The following PIF1 variants were observed in gnomAD, a reference collection of about 807,000 sequenced individuals.
PIF1 encodes ATP-dependent DNA helicase PIF1.
A neutral mutation model predicts 62.3 loss-of-function variants in PIF1; 67 were observed. The observed-to-expected ratio is 1.08, with a 90% CI of 0.88 to 1.32. The LOEUF (loss-of-function observed/expected upper bound fraction) is 1.32, where lower values mean the gene tolerates loss of function less well. Among genes scored for constraint, PIF1 ranks in the 40% most tolerant of loss-of-function variants. The pLI, the probability that PIF1 is intolerant of heterozygous loss-of-function variation, is 0.00. For missense variants in PIF1, 886 were observed against 866.1 expected, an observed-to-expected ratio of 1.02 and a Z score of -0.29; for synonymous variants, 364 against 379.5, an observed-to-expected ratio of 0.96 and a Z score of 0.47.
Position 64,819,174 on chromosome 15 carries a change from A to G in PIF1, c.1383T>C (p.Ser461=). The change falls in exon 9 of 13, where the codon AGT becomes AGC. Residue 461 remains serine, a synonymous_variant. Transcript: ENST00000559239. ...TAACAGGACACTGGGCATCCAGGGTACTGGCCAGCTCAGGGTTGCTGTCCA... is the reference window on the plus strand; with the variant it reads ...TAACAGGACACTGGGCATCCAGGGTGCTGGCCAGCTCAGGGTTGCTGTCCA... ...EAMDSNPELA[S]TLDAQCPVSQ... The G allele has an allele frequency of 1.2e-6, 2 of 1,602,948 alleles. No homozygotes were observed. Among genetic ancestry groups the G allele is most frequent in the Non-Finnish European group, 1.7e-6 (2 of 1,176,924 alleles).
At chr15:64,817,805 T>C in intron 11 of PIF1, 141 bp downstream of exon 11, 1 of 969,032 alleles carries the variant, frequency 1.0e-6, no homozygotes, top group East Asian at 2.8e-5. Context: ...GAGGTTGCAG[T>C]GAGCCAAGAT....
intron 1 of PIF1, among the ~76,000 whole-genome samples, chr15:64,825,362 A>G (rs2084354546): frequency 6.6e-6 from 1 of 152,070 alleles, no homozygotes; most frequent in Non-Finnish European, 1.5e-5. Flanking sequence ...TGCCCTTCAT[A>G]AGCCACAGCG....
chr15:64,819,795 C>T (rs1285916787), intron 8 of PIF1, 52 bp downstream of exon 8: 5 of 1,604,584 alleles, frequency 3.1e-6, no homozygotes, highest in Non-Finnish European at 4.2e-6. Flanking sequence ...GGGGCTACAT[C>T]TGCTTATAAC....
intron 1 of PIF1, 118 bp downstream of exon 1, chr15:64,825,451 G>A (rs957915659): frequency 6.6e-6 from 1 of 152,014 alleles, no homozygotes; most frequent in Non-Finnish European, 1.5e-5. Flanking sequence ...GAAAATATTC[G>A]GCTAGGGAAA....
Position 64,822,331 on chromosome 15 carries a change from A to G in PIF1, c.752T>C (p.Val251Ala). ...TGCCACCCCAGTGCTGGCAGTGGCC[A>G]CAGTGCCTGTGGGGGGCAGTGAGCC... ...ILGSLPPTGT[V>A]ATASTGVAAC... The change falls in exon 4 of 13, where the codon GTG becomes GCG. Residue 251 changes from valine (V) to alanine (A), a missense_variant. By Grantham distance (64) the Val-to-Ala change is moderately conservative (BLOSUM62 0). Transcript: ENST00000559239. 6.2e-7 allele frequency: 1 copy of G among 1,613,622 alleles called. No homozygotes were observed. The highest frequency in any genetic ancestry group is 8.5e-7 in the Non-Finnish European group (1 of 1,179,926).
Position 64,824,007 on chromosome 15 carries a change from G to T in PIF1, c.329C>A (p.Pro110Gln), listed in dbSNP as rs1002140057. The T allele has an allele frequency of 4.6e-6, 6 of 1,297,648 alleles. No individual in the cohort carries two copies. Among genetic ancestry groups the T allele is most frequent in the Non-Finnish European group, 5.9e-6 (6 of 1,023,432 alleles). 80.4% of individuals were successfully genotyped at this position (1,297,648 alleles called of 1,614,324 possible). The change falls in exon 2 of 13, where the codon CCA becomes CAA. Residue 110 changes from proline to glutamine, a missense_variant. By Grantham distance (76) the Pro-to-Gln change is moderately conservative (BLOSUM62 -1). Coordinates refer to ENST00000559239, the MANE Select transcript of PIF1 (RefSeq NM_001286496.2). ...GCGCAGGAAGCGGCGCAGGCGGTCT[G>T]GGGGGCAGTCCGAGAGCAGCAGCTG... is the stretch of plus-strand genomic sequence containing the variant. ...AVQLLLSDCP[P>Q]DRLRRFLRTL...
In PIF1 at chr15:64,825,574, G is replaced by A. The variant is rs554434298; in HGVS notation, c.-25C>T. 3 of 152,236 alleles carry A rather than the reference G, an allele frequency of 2.0e-5. No homozygotes were observed. The highest frequency in any genetic ancestry group is 4.4e-5 in the Non-Finnish European group (3 of 68,026). 9.4% of individuals were successfully genotyped at this position (152,236 alleles called of 1,614,324 possible). On this transcript the variant is annotated 5_prime_UTR_variant, in exon 1 of 13. Coordinates refer to ENST00000559239, the MANE Select transcript of PIF1 (RefSeq NM_001286496.2). ...TCAGGCTCTTTGCTCCCCACCTCTG[G>A]GTTCGGGCAGACACTCACTTGTGCC...
rs762889080 is a variant in PIF1 at position 64,821,510 on chromosome 15, T to C, written c.828A>G (p.Ser276=). ...TTLHAFAGIG[S]GQAPLAQCVA... is the part of the protein sequence containing the mutation. ...CACACTGGGCTAGAGGAGCCTGGCC[T>C]GAGCCGATGCCTGTGAGTGACACTA... The change falls in exon 5 of 13, where the codon TCA becomes TCG. Residue 276 remains serine, a synonymous_variant. Transcript: ENST00000559239. The C allele has an allele frequency of 4.4e-6, 7 of 1,603,114 alleles. No individual in the cohort carries two copies. The highest frequency in any genetic ancestry group is 5.1e-6 in the Non-Finnish European group (6 of 1,174,888).
At chr15:64,820,473 T>C (rs2084269582) in intron 7 of PIF1, among the ~76,000 whole-genome samples, 2 of 152,242 alleles carry the variant, frequency 1.3e-5, no homozygotes, top group Admixed American at 1.3e-4. Context: ...CTTGGCTCAC[T>C]GCAACCTCTG....
At chr15:64,821,142 A>G (rs200436062) in intron 6 of PIF1, 25 bp downstream of exon 6, 759 of 1,613,306 alleles carry the variant, frequency 4.7e-4, no homozygotes, top group Non-Finnish European at 6.3e-4. Flanking sequence ...CCCCAAGGAG[A>G]GCAGAGCTAG....
Position 64,817,952 on chromosome 15 carries a change from C to T in PIF1, c.1668G>A (p.Lys556=), listed in dbSNP as rs369115957. The change falls in exon 11 of 13, where the codon AAG becomes AAA. Residue 556 remains lysine, a synonymous_variant. Transcript: ENST00000559239. Reference sequence around the variant, plus strand: ...CCCCCACACCGGTGCTCACTTGGCTCTTGTGGATGGACATCGCCCAGGCCA... The same window carrying T: ...CCCCCACACCGGTGCTCACTTGGCTTTTGTGGATGGACATCGCCCAGGCCA... ...LQLAWAMSIH[K]SQGMTLDCVE... The T allele has an allele frequency of 5.0e-6, 8 of 1,611,550 alleles. No homozygotes were observed. The highest frequency in any genetic ancestry group is 2.2e-5 in the East Asian group (1 of 44,866).
At position 64,818,080 on chromosome 15, in the gene PIF1, C is replaced by T. The variant is rs752440813; in HGVS notation, c.1540G>A (p.Val514Met). The change falls in exon 11 of 13, where the codon GTG (valine) becomes ATG (methionine). Residue 514 changes from valine to methionine, a missense_variant. Val to Met is a conservative substitution (Grantham distance 21). Coordinates refer to ENST00000559239, the MANE Select transcript of PIF1 (RefSeq NM_001286496.2). ...FEAEGRGLPQ[V>M]RFLCGVTEVI... ...TCAGTGACTCCACACAGGAACCGCA[C>T]CTGGGGTAGCCCTAAGGAGAGCATG... The T allele has an allele frequency of 3.1e-6, 5 of 1,613,796 alleles. No homozygotes were observed. Among genetic ancestry groups the T allele is most frequent in the Non-Finnish European group, 4.2e-6 (5 of 1,179,958 alleles).
intron 8 of PIF1, among the ~76,000 whole-genome samples, chr15:64,819,575 C>T (rs2141108596): frequency 6.6e-6 from 1 of 152,222 alleles, no homozygotes; most frequent in Admixed American, 6.5e-5. Context: ...TCCCAAAGTG[C>T]TGGAATTACA....
chr15:64,821,565 CTTTTTTTTTTTTT>C (rs56305637), intron 4 of PIF1, 45 bp from the exon 5 acceptor site: 1 of 1,248,336 alleles, frequency 8.0e-7, no homozygotes, highest in Non-Finnish European at 1.0e-6. Flanking sequence ...CAAAGCCTCT[CTTTTTTTTTTTTT>C]TTTTTTTTTT....
In PIF1 at chr15:64,822,493, A is replaced by G. The variant is rs140985919; in HGVS notation, c.676T>C (p.Phe226Leu). The change falls in exon 3 of 13, where the codon TTC becomes CTC. Residue 226 changes from phenylalanine to leucine, a missense_variant. Transcript: ENST00000559239. ...RAVLKGQSIF[F>L]TGSAGTGKSY... ...CCCCCACTACCTGCACTCCCAGTGA[A>G]GAAGATGCTCTGGCCTTTCAGGACG... 1 of 1,614,050 alleles carries G rather than the reference A, an allele frequency of 6.2e-7. No individual in the cohort carries two copies. The highest frequency in any genetic ancestry group is 8.5e-7 in the Non-Finnish European group (1 of 1,180,010).
chr15:64,817,050 A>G (rs530589803), intron 11 of PIF1, among the ~76,000 whole-genome samples: 49 of 152,318 alleles, frequency 3.2e-4, no homozygotes, highest in African/African-American at 1.2e-3. Context: ...ACTGTGTGAC[A>G]TGGGACACAT....
Position 64,815,861 on chromosome 15 carries a change from C to A in PIF1, c.*437G>T, listed in dbSNP as rs559724592. Reference sequence around the variant, plus strand: ...AGTTCCGTTCTCTGTTTGGAGGCTGCACCCAGCCTGAGTCCCCACCAGTCC... The same window carrying A: ...AGTTCCGTTCTCTGTTTGGAGGCTGAACCCAGCCTGAGTCCCCACCAGTCC... On this transcript the variant is annotated 3_prime_UTR_variant, in exon 13 of 13. Transcript: ENST00000559239. 488 of 1,550,636 alleles carry A rather than the reference C, an allele frequency of 3.1e-4. No homozygotes were observed. The highest frequency in any genetic ancestry group is 4.1e-4 in the Non-Finnish European group (472 of 1,147,004).
intron 9 of PIF1, chr15:64,818,627 A>G: frequency 2.3e-6 from 1 of 441,542 alleles, no homozygotes. Context: ...GGCTTTGAAA[A>G]TGATTGGCTT....
At chr15:64,826,665 T>TATATATATATATACAC (rs796684934), upstream of PIF1, among the ~76,000 whole-genome samples, 57 of 42,770 alleles carry the variant, frequency 1.3e-3, no homozygotes, top group East Asian at 4.1e-3. Flanking sequence ...TATATATATA[T>TATATATATATATACAC]ACACACACAC....
Sources: allele counts gnomAD v4.1 joint callset (sites outside exome capture counted in the v4.1 genomes callset), GRCh38; gene constraint gnomAD v4.1.1; transcripts MANE v1.5; gene names NCBI Gene and HGNC (gene_info 2026-07-23, HGNC 2026-07-21).